BCL7C: variants seen among roughly 807,000 people sequenced by gnomAD.
BCL7C encodes the protein B-cell CLL/lymphoma 7 protein family member C.
BCL7C carries 8 observed loss-of-function variants against 26.2 expected under a neutral mutation model. The observed-to-expected ratio is 0.30, with a 90% CI of 0.18 to 0.55. The LOEUF (loss-of-function observed/expected upper bound fraction) is 0.55, where lower values mean the gene tolerates loss of function less well. BCL7C is among the 20% of genes least tolerant of loss of function. BCL7C has a pLI of 0.93. For missense variants in BCL7C, 262 were observed against 298.5 expected (o/e 0.88, Z 0.90); for synonymous variants, 90 against 116.5 (o/e 0.77, Z 1.47).
chr16:30,865,871 C>T (rs112931165), intron 5 of BCL7C, among the ~76,000 whole-genome samples: 152 of 145,574 alleles, frequency 1.0e-3, no homozygotes, highest in Non-Finnish European at 1.2e-3. Flanking sequence ...GGATTACAGG[C>T]GCCCGCCACA....
At chr16:30,870,391 GGCTCACACC>G (rs1596602078) in intron 5 of BCL7C, among the ~76,000 whole-genome samples, 1 of 152,310 alleles carries the variant, frequency 6.6e-6, no homozygotes, top group Non-Finnish European at 1.5e-5. Context: ...CAGGTGCAGA[GGCTCACACC>G]TGTAATCCCA....
At chr16:30,879,689 CAAA>C (rs1187827463) in intron 5 of BCL7C, among the ~76,000 whole-genome samples, 14 of 29,402 alleles carry the variant, frequency 4.8e-4, no homozygotes, top group Non-Finnish European at 7.1e-4. Flanking sequence ...CCCTTCTCTA[CAAA>C]AAAAAAAAAA....
chr16:30,876,355 T>G (rs758783952), intron 5 of BCL7C, among the ~76,000 whole-genome samples: 19 of 152,116 alleles, frequency 1.2e-4, no homozygotes, highest in Non-Finnish European at 2.5e-4. Flanking sequence ...GAGCTAAAAC[T>G]CCATTGATCA....
chr16:30,889,529 C>A (rs2055191291), intron 4 of BCL7C, among the ~76,000 whole-genome samples: 1 of 151,840 alleles, frequency 6.6e-6, no homozygotes, highest in Non-Finnish European at 1.5e-5. Context: ...TCGCTGTGTC[C>A]CCCAGGCTGG....
intron 5 of BCL7C, among the ~76,000 whole-genome samples, chr16:30,853,322 C>G (rs2054693158): frequency 6.6e-6 from 1 of 152,028 alleles, no homozygotes; most frequent in Non-Finnish European, 1.5e-5. Flanking sequence ...ACACACACAC[C>G]AGCCTAGGCC....
chr16:30,881,162 C>T (rs1255285491), intron 5 of BCL7C, among the ~76,000 whole-genome samples: 1 of 152,028 alleles, frequency 6.6e-6, no homozygotes, highest in Non-Finnish European at 1.5e-5. Flanking sequence ...TTTGCAAGGC[C>T]CAGGCGGGTG....
chr16:30,839,179 A>C (rs968479214), intron 5 of BCL7C, among the ~76,000 whole-genome samples: 1 of 152,240 alleles, frequency 6.6e-6, no homozygotes, highest in African/African-American at 2.4e-5. Context: ...CCTCTTTCCT[A>C]GTTCATACAA....
At chr16:30,879,298 A>G (rs1338981496) in intron 5 of BCL7C, among the ~76,000 whole-genome samples, 1 of 152,092 alleles carries the variant, frequency 6.6e-6, no homozygotes, top group Non-Finnish European at 1.5e-5. Flanking sequence ...GAAATTCCTA[A>G]GAAAAGGCTG....
intron 5 of BCL7C, among the ~76,000 whole-genome samples, chr16:30,881,417 C>CAA (rs2055041244): frequency 6.6e-6 from 1 of 151,930 alleles, no homozygotes; most frequent in Non-Finnish European, 1.5e-5. Flanking sequence ...CACACACACA[C>CAA]ACACACACAA....
chr16:30,887,320 G>GATAA (rs796911153), downstream of BCL7C, among the ~76,000 whole-genome samples: 110 of 151,276 alleles, frequency 7.3e-4, no homozygotes, highest in South Asian at 2.1e-3. Flanking sequence ...AAAAAATAGT[G>GATAA]ATAAATAAAT....
chr16:30,838,251 A>G (rs1391186597), intron 5 of BCL7C, among the ~76,000 whole-genome samples: 2 of 152,238 alleles, frequency 1.3e-5, no homozygotes, highest in African/African-American at 4.8e-5. Context: ...TCTTATTTGT[A>G]AGTAGGCATA....
intron 5 of BCL7C, among the ~76,000 whole-genome samples, chr16:30,853,930 G>A (rs1359713069): frequency 6.6e-6 from 1 of 152,168 alleles, no homozygotes; most frequent in Non-Finnish European, 1.5e-5. Context: ...ATACTTTTAA[G>A]TCATGGACCA....
At chr16:30,883,952 T>C (rs376208908), downstream of BCL7C, among the ~76,000 whole-genome samples, 133 of 150,602 alleles carry the variant, frequency 8.8e-4, no homozygotes, top group African/African-American at 2.9e-3. Flanking sequence ...GGTGAAACCC[T>C]GTCTCTACTA....
intron 5 of BCL7C, among the ~76,000 whole-genome samples, chr16:30,870,305 T>C (rs1596602031): frequency 1.3e-5 from 2 of 152,128 alleles, no homozygotes; most frequent in South Asian, 2.1e-4. Context: ...CTTTTCATAG[T>C]GGTCTTTTAA....
intron 5 of BCL7C, among the ~76,000 whole-genome samples, chr16:30,860,685 T>C (rs1023422664): frequency 2.0e-5 from 3 of 152,150 alleles, no homozygotes; most frequent in Non-Finnish European, 4.4e-5. Flanking sequence ...GTGGCTGACA[T>C]CTAGGCATTC....
downstream of BCL7C, among the ~76,000 whole-genome samples, chr16:30,885,136 C>T (rs1401459809): frequency 6.6e-6 from 1 of 152,142 alleles, no homozygotes; most frequent in Non-Finnish European, 1.5e-5. Context: ...TGTGATGAAA[C>T]TAAGGATTGT....
intron 5 of BCL7C, among the ~76,000 whole-genome samples, chr16:30,849,186 C>CAA (rs79172299): frequency 1.6e-5 from 2 of 124,876 alleles, no homozygotes; most frequent in African/African-American, 3.0e-5. Context: ...GACTCCGTCT[C>CAA]AAAAAAAAAA....
Position 30,834,961 on chromosome 16 carries a change from C to T in BCL7C, c.716G>A (p.Gly239Asp), listed in dbSNP as rs1032085643. The change falls in exon 6 of 6, where the codon GGT becomes GAT. Residue 239 changes from glycine to aspartate, a missense_variant. Transcript: ENST00000380317. This position sits in a 1 kb window ranked among gnomAD's most constrained non-coding sequence, Gnocchi z 4.3. Reference sequence around the variant, plus strand: ...TGGGGAGCCCACTCACCTCCCCTTACCCTGGGGGATTGTTCTGGGTGCCCT... The same window carrying T: ...TGGGGAGCCCACTCACCTCCCCTTATCCTGGGGGATTGTTCTGGGTGCCCT... 1.3e-6 allele frequency: 2 copies of T among 1,541,644 alleles called. No homozygotes were observed. The highest frequency in any genetic ancestry group is 1.2e-5 in the South Asian group (1 of 83,350).
chr16:30,892,309 A>G (rs2055257738), intron 4 of BCL7C, among the ~76,000 whole-genome samples: 1 of 142,028 alleles, frequency 7.0e-6, no homozygotes, highest in Non-Finnish European at 1.5e-5. Context: ...AAGGATCAAT[A>G]TGGGCCCAAC....
Sources: gnomAD v4.1 joint callset for allele counts (sites outside exome capture counted in the v4.1 genomes callset) on GRCh38, gnomAD v4.1.1 for gene constraint, Gnocchi (gnomAD v3.1) non-coding constraint, MANE v1.5 for transcripts, NCBI Gene and HGNC (gene_info 2026-07-23, HGNC 2026-07-21) for gene names.